TMEM143: variants seen among roughly 807,000 people sequenced by gnomAD.
The protein encoded by TMEM143 is transmembrane protein 143.
Under a neutral mutation model 40.3 loss-of-function variants are expected in TMEM143, and 45 were observed. The observed-to-expected ratio is 1.12, with a 90% confidence interval of 0.88 to 1.43. The LOEUF (loss-of-function observed/expected upper bound fraction) is 1.43, where lower values mean the gene tolerates loss of function less well. Among genes scored for constraint, TMEM143 ranks in the 40% most tolerant of loss-of-function variants. TMEM143 has a pLI of 0.00. For missense variants in TMEM143, 620 were observed against 613.4 expected, an observed-to-expected ratio of 1.01 and a Z score of -0.11; for synonymous variants, 299 against 282.7, an observed-to-expected ratio of 1.06 and a Z score of -0.58.
chr19:48,363,283 G>A lies in TMEM143; in HGVS notation c.264+8C>T, dbSNP rs374839724. On this transcript the variant is annotated splice_region_variant and intron_variant, in intron 2 of 7. Coordinates refer to ENST00000293261, the MANE Select transcript of TMEM143 (RefSeq NM_018273.4). ...TCCCCAGGCTCTTGGGCCTGGGACA[G>A]GCGGTACCTGTATTAGGAGGCGGAG... 58 of 1,611,882 alleles carry A rather than the reference G, an allele frequency of 3.6e-5. No individual in the cohort carries two copies. The African/African-American group carries it at 5.9e-4, about 16-fold the overall frequency.
rs750038475 is a variant in TMEM143, at chr19:48,333,171, C to A, written c.*48G>T. The A allele has an allele frequency of 7.5e-7, 1 of 1,337,926 alleles. No homozygotes were observed. Among genetic ancestry groups the A allele is most frequent in the Non-Finnish European group, 9.9e-7 (1 of 1,010,790 alleles). 82.9% of individuals were successfully genotyped at this position (1,337,926 alleles called of 1,614,324 possible). ...AATTGACAGCCTGTCGTGAAGGAGGCGGGGCTTAGTTCCTAGCCTGCTGAC... is the reference window on the plus strand; with the variant it reads ...AATTGACAGCCTGTCGTGAAGGAGGAGGGGCTTAGTTCCTAGCCTGCTGAC... On this transcript the variant is annotated 3_prime_UTR_variant, in exon 8 of 8. Transcript: ENST00000293261. This position sits in a 1 kb window ranked among gnomAD's most constrained non-coding sequence, Gnocchi z 4.1.
chr19:48,363,782 C>A (rs747187023), intron 1 of TMEM143, 116 bp downstream of exon 1: 6 of 1,555,970 alleles, frequency 3.9e-6, no homozygotes, highest in Non-Finnish European at 5.3e-6. Context: ...TACAACGTTT[C>A]TTTGGGGTCT....
At chr19:48,341,960 C>T (rs1969496507) in intron 6 of TMEM143, among the ~76,000 whole-genome samples, 1 of 151,556 alleles carries the variant, frequency 6.6e-6, no homozygotes, top group Non-Finnish European at 1.5e-5. Flanking sequence ...TCCCCATTTT[C>T]CAGATGAGAA....
rs1055844942 is a variant in TMEM143, at chr19:48,363,444, G to T, written c.111C>A (p.Leu37=). The part of the protein sequence containing the change: ...RVRVWPLLPA[L]LGPPRALSSL... ...ATGAGAGGGCCCGGGGGGGCCCGAG[G>T]AGCGCGGGCAACAGTGGCCATACTC... Residue 37 remains leucine (L), a synonymous_variant, in exon 2 of 8, where the codon CTC becomes CTA. Transcript: ENST00000293261. 15 of 1,613,860 alleles carry T rather than the reference G, an allele frequency of 9.3e-6. No individual in the cohort carries two copies. The highest frequency in any genetic ancestry group is 1.3e-5 in the Non-Finnish European group (15 of 1,180,010).
At chr19:48,360,026 G>A (rs771495506) in intron 3 of TMEM143, 46 bp downstream of exon 3, 12 of 1,570,546 alleles carry the variant, frequency 7.6e-6, no homozygotes, top group East Asian at 2.3e-5. Context: ...CTAAATGAGC[G>A]GATGCTCGAA....
Position 48,345,226 on chromosome 19 carries a change from G to T in TMEM143, c.498C>A (p.Phe166Leu). 1 of 1,613,614 alleles carries T rather than the reference G, an allele frequency of 6.2e-7. No individual in the cohort carries two copies. Among genetic ancestry groups the T allele is most frequent in the Non-Finnish European group, 8.5e-7 (1 of 1,179,730 alleles). The change falls in exon 4 of 8, where the codon TTC (phenylalanine) becomes TTA (leucine). Residue 166 changes from phenylalanine (F) to leucine (L), a missense_variant. Phe to Leu is a conservative substitution (Grantham distance 22). Coordinates refer to ENST00000293261, the MANE Select transcript of TMEM143 (RefSeq NM_018273.4). Reference sequence around the variant, plus strand: ...CCAGGGTGTCCTCAGACAGCGGGGAGAAGTTGGCCTGGGCCAGCAGGGGCT... The same window carrying T: ...CCAGGGTGTCCTCAGACAGCGGGGATAAGTTGGCCTGGGCCAGCAGGGGCT... ...ALEPLLAQANFSPLSEDTLAY... is the reference protein window; with the variant it reads ...ALEPLLAQANLSPLSEDTLAY...
intron 2 of TMEM143, among the ~76,000 whole-genome samples, chr19:48,362,506 AGAGT>A (rs527433539): frequency 2.8e-4 from 43 of 152,358 alleles, no homozygotes; most frequent in Admixed American, 9.2e-4. Flanking sequence ...TCTGGGCAAC[AGAGT>A]GAGACCCTGT....
chr19:48,363,797 A>C, intron 1 of TMEM143, 101 bp downstream of exon 1: 1 of 1,581,754 alleles, frequency 6.3e-7, no homozygotes, highest in South Asian at 1.1e-5. Context: ...GGGTCTAGAC[A>C]GCGAGGTAGA....
At chr19:48,356,635 T>C (rs1600923313) in intron 3 of TMEM143, among the ~76,000 whole-genome samples, 2 of 145,870 alleles carry the variant, frequency 1.4e-5, no homozygotes. Flanking sequence ...TTCACTCTTA[T>C]TGCCCAGGCT....
intron 3 of TMEM143, among the ~76,000 whole-genome samples, chr19:48,357,963 A>G (rs527437552): frequency 1.2e-4 from 18 of 152,188 alleles, no homozygotes; most frequent in African/African-American, 4.3e-4. Context: ...GGGACTACAT[A>G]TTGGGTATAG....
At chr19:48,348,847 C>T (rs1441324356) in intron 3 of TMEM143, among the ~76,000 whole-genome samples, 4 of 152,122 alleles carry the variant, frequency 2.6e-5, no homozygotes, top group Non-Finnish European at 5.9e-5. Flanking sequence ...CTCACAGGAC[C>T]GTAAATCCCC....
At chr19:48,360,034 GA>G in intron 3 of TMEM143, 37 bp downstream of exon 3, 1 of 1,591,160 alleles carries the variant, frequency 6.3e-7, no homozygotes. Flanking sequence ...GCGGATGCTC[GA>G]ACAAGCACCA....
In TMEM143 at chr19:48,363,434, G is replaced by A. The variant is rs1970107724; in HGVS notation, c.121C>T (p.Pro41Ser). Residue 41 changes from proline (P) to serine (S), a missense_variant, in exon 2 of 8, where the codon CCC becomes TCC. Physicochemically the swap from Pro to Ser is moderately conservative, Grantham distance 74. Transcript: ENST00000293261. ...WPLLPALLGP[P>S]RALSSLAAKM... ...GCTGCCAGCGATGAGAGGGCCCGGG[G>A]GGGCCCGAGGAGCGCGGGCAACAGT... The A allele has an allele frequency of 6.2e-7, 1 of 1,614,060 alleles. No individual in the cohort carries two copies. Among genetic ancestry groups the A allele is most frequent in the Non-Finnish European group, 8.5e-7 (1 of 1,180,006 alleles).
In TMEM143 at chr19:48,352,604, G is replaced by A. The variant is rs185323558; in HGVS notation, c.370-7250C>T. Among the ~76,000 whole-genome samples the A allele has an allele frequency of 8.6e-5, 13 of 150,812 alleles. No individual in the cohort carries two copies. The East Asian group carries it at 1.4e-3, about 17-fold the overall frequency. ...AGCCCGGCCAATATGGTGAAACCCC[G>A]TCTCTACTAAAAATACAAAACCTAG... On this transcript the variant is annotated intron_variant, in intron 3 of 7. Coordinates refer to ENST00000293261, the MANE Select transcript of TMEM143 (RefSeq NM_018273.4).
intron 3 of TMEM143, among the ~76,000 whole-genome samples, chr19:48,356,048 C>A (rs1969883195): frequency 6.6e-6 from 1 of 152,208 alleles, no homozygotes; most frequent in Admixed American, 6.5e-5. Context: ...CATGACTCCA[C>A]CGGGAGAGGA....
intron 3 of TMEM143, among the ~76,000 whole-genome samples, chr19:48,356,079 G>C (rs1409117547): frequency 2.6e-5 from 4 of 151,940 alleles, no homozygotes; most frequent in Admixed American, 2.0e-4. Context: ...CTCACGCCTG[G>C]TCTGTCTTGG....
intron 6 of TMEM143, among the ~76,000 whole-genome samples, chr19:48,341,851 C>G (rs1269934365): frequency 6.6e-6 from 1 of 152,052 alleles, no homozygotes; most frequent in African/African-American, 2.4e-5. Flanking sequence ...CGGCTGTCAA[C>G]CCTTATGTAG....
At chr19:48,335,727 AAAT>A (rs1200933004) in intron 6 of TMEM143, among the ~76,000 whole-genome samples, 3 of 151,768 alleles carry the variant, frequency 2.0e-5, no homozygotes, top group African/African-American at 7.3e-5. Flanking sequence ...CTGCCTCAAA[AAAT>A]AATAATAATA....
rs770680842 is a variant in TMEM143, at chr19:48,363,367, G to A, written c.188C>T (p.Pro63Leu). The A allele has an allele frequency of 1.9e-6, 3 of 1,614,198 alleles. No individual in the cohort carries two copies. Among genetic ancestry groups the A allele is most frequent in the Admixed American group, 3.3e-5 (2 of 60,028 alleles). Reference protein sequence around the residue: ...EYRKMWNPREPRDWAQQYRER... With the variant: ...EYRKMWNPRELRDWAQQYRER... ...GCGGTACTGCTGGGCCCAGTCGCGG[G>A]GCTCCCTGGGGTTCCACATCTTGCG... Residue 63 changes from proline to leucine, a missense_variant, in exon 2 of 8, where the codon CCC becomes CTC. Coordinates refer to ENST00000293261, the MANE Select transcript of TMEM143 (RefSeq NM_018273.4).
Sources: allele counts gnomAD v4.1 joint callset (sites outside exome capture counted in the v4.1 genomes callset), GRCh38; gene constraint gnomAD v4.1.1; non-coding constraint Gnocchi (gnomAD v3.1); transcripts MANE v1.5; gene names NCBI Gene and HGNC (gene_info 2026-07-23, HGNC 2026-07-21).